MTHFD1L: variants seen among roughly 807,000 people sequenced by gnomAD.
MTHFD1L encodes methylenetetrahydrofolate dehydrogenase (NADP+ dependent) 1 like.
MTHFD1L carries 81 observed loss-of-function variants against 119.5 expected under a neutral mutation model. That is an observed-to-expected ratio of 0.68 (90% CI 0.57 to 0.82). MTHFD1L has a LOEUF of 0.82. MTHFD1L is among the 40% of genes least tolerant of loss of function. The pLI is 0.00. For synonymous variants in MTHFD1L, 430 were observed against 475.2 expected, an observed-to-expected ratio of 0.90 and a Z score of 1.24; for missense variants, 1,125 against 1,253.4, an observed-to-expected ratio of 0.90 and a Z score of 1.55.
At chr6:150,963,889 C>T (rs1227343026) in intron 18 of MTHFD1L, among the ~76,000 whole-genome samples, 1 of 152,138 alleles carries the variant, frequency 6.6e-6, no homozygotes, top group African/African-American at 2.4e-5. Context: ...AAACAAAGGC[C>T]GGGCACGGTG....
chr6:151,070,749 G>T (rs891805780), intron 26 of MTHFD1L, among the ~76,000 whole-genome samples: 5 of 152,162 alleles, frequency 3.3e-5, no homozygotes, highest in African/African-American at 1.2e-4. Context: ...GTCTTAGTTT[G>T]CCAACCCCTG....
At chr6:150,954,092 T>C (rs1264177182) in intron 16 of MTHFD1L, among the ~76,000 whole-genome samples, 1 of 152,230 alleles carries the variant, frequency 6.6e-6, no homozygotes, top group Non-Finnish European at 1.5e-5. Flanking sequence ...GGAACAGCCA[T>C]AGGCCAAGAG....
At chr6:151,075,321 C>T (rs1304685169) in intron 26 of MTHFD1L, among the ~76,000 whole-genome samples, 2 of 151,962 alleles carry the variant, frequency 1.3e-5, no homozygotes, top group African/African-American at 4.8e-5. Context: ...AGCGCTAATA[C>T]TAATCAAAAG....
chr6:150,939,565 G>A (rs1044381495), intron 13 of MTHFD1L, among the ~76,000 whole-genome samples: 10 of 151,848 alleles, frequency 6.6e-5, no homozygotes, highest in Admixed American at 3.3e-4. Context: ...TGTCATTTCC[G>A]CCGTTGCCTG....
chr6:150,872,741 C>T (rs755103059), intron 1 of MTHFD1L, among the ~76,000 whole-genome samples: 1 of 152,000 alleles, frequency 6.6e-6, no homozygotes, highest in Non-Finnish European at 1.5e-5. Flanking sequence ...TGTAGAAAAA[C>T]ACAGTATCTG....
At chr6:150,889,898 T>G (rs1782939840) in intron 7 of MTHFD1L, among the ~76,000 whole-genome samples, 1 of 152,172 alleles carries the variant, frequency 6.6e-6, no homozygotes, top group Admixed American at 6.5e-5. Flanking sequence ...AGCTCACCCC[T>G]GTAATTCCAG....
intron 26 of MTHFD1L, among the ~76,000 whole-genome samples, chr6:151,047,778 G>A (rs1381023885): frequency 6.6e-6 from 1 of 152,124 alleles, no homozygotes; most frequent in African/African-American, 2.4e-5. Flanking sequence ...TGAATGCCTA[G>A]TTACTTGGGA....
chr6:150,970,304 A>G (rs1797846669), intron 19 of MTHFD1L, among the ~76,000 whole-genome samples: 1 of 152,218 alleles, frequency 6.6e-6, no homozygotes, highest in Non-Finnish European at 1.5e-5. Context: ...AGGAAGACTT[A>G]AGACAAGAAA....
chr6:150,974,893 C>T (rs567290351), intron 20 of MTHFD1L, among the ~76,000 whole-genome samples: 92 of 152,130 alleles, frequency 6.0e-4, no homozygotes, highest in African/African-American at 2.1e-3. Flanking sequence ...TGCACCACCA[C>T]GCCCAGCTAA....
intron 26 of MTHFD1L, among the ~76,000 whole-genome samples, chr6:151,044,080 G>T (rs1342436312): frequency 6.6e-6 from 1 of 152,130 alleles, no homozygotes; most frequent in Non-Finnish European, 1.5e-5. Flanking sequence ...CTGGGGGCAG[G>T]GTGGCTCCTG....
rs555796956 is a variant in MTHFD1L at position 151,074,976 on chromosome 6, ATAGT to A, written c.2848-17488_2848-17485del. On this transcript the variant is annotated intron_variant, in intron 26 of 27. Coordinates refer to ENST00000367321, the MANE Select transcript of MTHFD1L (RefSeq NM_015440.5). The stretch of plus-strand genomic sequence containing the variant: ...ACCATTTCAGTAATTCAACAACGTT[ATAGT>A]TAAAGAGTTGTAACCTTGTTATAGT... 5.9e-5 allele frequency among the ~76,000 whole-genome samples: 9 copies of A among 152,360 alleles called. No individual in the cohort carries two copies. The South Asian group carries it at 8.3e-4, about 14-fold the overall frequency.
At chr6:150,995,455 G>A (rs1322822419) in intron 20 of MTHFD1L, among the ~76,000 whole-genome samples, 2 of 150,344 alleles carry the variant, frequency 1.3e-5, no homozygotes, top group South Asian at 2.1e-4. Flanking sequence ...CGGAGGTGGC[G>A]GTGAGCTGAG....
Position 150,944,549 on chromosome 6 carries a change from G to T in MTHFD1L, c.1504G>T (p.Ala502Ser), listed in dbSNP as rs751750277. ...CGCTGCCAATAACTTGCTGGCTGCC[G>T]CCATCGACACGAGGATTCTTCATGA... ...ITAANNLLAA[A>S]IDTRILHENT... Residue 502 changes from alanine to serine, a missense_variant, in exon 14 of 28, where the codon GCC becomes TCC. Ala to Ser is a moderately conservative substitution (Grantham distance 99). Coordinates refer to ENST00000367321, the MANE Select transcript of MTHFD1L (RefSeq NM_015440.5). The T allele has an allele frequency of 1.2e-5, 19 of 1,613,990 alleles. No homozygotes were observed. Among genetic ancestry groups the T allele is most frequent in the Non-Finnish European group, 1.4e-5 (17 of 1,179,968 alleles).
At chr6:150,945,735 A>G (rs1793822706) in intron 15 of MTHFD1L, among the ~76,000 whole-genome samples, 194 bp downstream of exon 15, 1 of 152,056 alleles carries the variant, frequency 6.6e-6, no homozygotes, top group South Asian at 2.1e-4. Flanking sequence ...GTTCTACACG[A>G]AAGAGCCAGG....
chr6:150,914,181 C>T (rs911333502), intron 8 of MTHFD1L, among the ~76,000 whole-genome samples: 1 of 152,138 alleles, frequency 6.6e-6, no homozygotes, highest in Non-Finnish European at 1.5e-5. Flanking sequence ...CCTGTAGTCC[C>T]AGCTACTTGG....
intron 11 of MTHFD1L, among the ~76,000 whole-genome samples, chr6:150,932,818 G>GGAAGGAAA (rs1554253948): frequency 9.3e-5 from 12 of 129,062 alleles, no homozygotes; most frequent in African/African-American, 1.8e-4. Context: ...GAGGGAGGGA[G>GGAAGGAAA]GAAGGAAGGA....
At chr6:151,005,644 G>T (rs1050587315) in intron 20 of MTHFD1L, among the ~76,000 whole-genome samples, 1 of 152,098 alleles carries the variant, frequency 6.6e-6, no homozygotes, top group Non-Finnish European at 1.5e-5. Flanking sequence ...CATGATGGCG[G>T]GTGCCTGTGA....
chr6:151,044,628 G>A (rs775351167), intron 26 of MTHFD1L, among the ~76,000 whole-genome samples: 5 of 152,082 alleles, frequency 3.3e-5, no homozygotes, highest in Admixed American at 6.6e-5. Context: ...CTCCTGTCGG[G>A]ATTGGCCTGG....
In MTHFD1L at chr6:150,962,919, T is replaced by C. The variant is rs527879411; in HGVS notation, c.1945-2050T>C. 8.2e-4 allele frequency among the ~76,000 whole-genome samples: 119 copies of C among 145,830 alleles called. 1 individual carries two copies. The East Asian group carries it at 0.01, about 12-fold the overall frequency. On this transcript the variant is annotated intron_variant, in intron 18 of 27. Coordinates refer to ENST00000367321, the MANE Select transcript of MTHFD1L (RefSeq NM_015440.5). Reference sequence around the variant, plus strand: ...TTTCTTTTTTCTTTTCTTTTCTTTTTTTTTTTTTTTTTTTGAGATGGAGTC... The same window carrying C: ...TTTCTTTTTTCTTTTCTTTTCTTTTCTTTTTTTTTTTTTTGAGATGGAGTC...
Sources: gnomAD v4.1 joint callset for allele counts (sites outside exome capture counted in the v4.1 genomes callset) on GRCh38, gnomAD v4.1.1 for gene constraint, MANE v1.5 for transcripts, NCBI Gene and HGNC (gene_info 2026-07-23, HGNC 2026-07-21) for gene names.